The following SLC6A3 variants were observed in gnomAD, a reference collection of about 807,000 sequenced individuals.
The protein encoded by SLC6A3 is sodium-dependent dopamine transporter.
A neutral mutation model predicts 70.4 loss-of-function variants in SLC6A3; 19 were observed. The ratio of observed to expected loss-of-function variants is 0.27; its 90% CI spans 0.19 to 0.40. The LOEUF (loss-of-function observed/expected upper bound fraction) is 0.40. Ranked by LOEUF, SLC6A3 falls within the 10% of genes least tolerant of loss-of-function variation. SLC6A3 has a pLI of 1.00. For synonymous variants in SLC6A3, 368 were observed against 356.6 expected, an observed-to-expected ratio of 1.03 and a Z score of -0.36; for missense variants, 613 against 838.5, an observed-to-expected ratio of 0.73 and a Z score of 3.32.
intron 9 of SLC6A3, among the ~76,000 whole-genome samples, chr5:1,410,266 C>G (rs774258292): frequency 1.2e-4 from 18 of 152,194 alleles, no homozygotes; most frequent in Non-Finnish European, 2.2e-4. Flanking sequence ...CCCGACGGAG[C>G]CTCCTGACTC....
At chr5:1,423,149 G>A (rs71595043) in intron 4 of SLC6A3, among the ~76,000 whole-genome samples, 73 of 80,000 alleles carry the variant, frequency 9.1e-4, no homozygotes, top group Middle Eastern at 8.1e-3. Context: ...GGTGCCCACC[G>A]CTGCCCACAG....
At chr5:1,441,844 C>T (rs1733677128) in intron 2 of SLC6A3, among the ~76,000 whole-genome samples, 1 of 152,164 alleles carries the variant, frequency 6.6e-6, no homozygotes, top group African/African-American at 2.4e-5. Flanking sequence ...CCCACTTTGC[C>T]CTGATCCTCT....
intron 4 of SLC6A3, among the ~76,000 whole-genome samples, chr5:1,424,469 C>T (rs1228652053): frequency 1.3e-5 from 2 of 152,220 alleles, no homozygotes; most frequent in African/African-American, 4.8e-5. Context: ...TCCCTCACTG[C>T]CCATGGTGTC....
chr5:1,422,613 G>A (rs368124584), intron 4 of SLC6A3, among the ~76,000 whole-genome samples: 22 of 51,074 alleles, frequency 4.3e-4, no homozygotes, highest in Admixed American at 1.2e-3. Flanking sequence ...GCTGCCCATG[G>A]TGCTGGGTGC....
chr5:1,422,757 A>C (rs2735914), intron 4 of SLC6A3, among the ~76,000 whole-genome samples: 281 of 13,650 alleles, frequency 0.021, 1 homozygote, highest in East Asian at 0.026. Flanking sequence ...GTGCTGCCCA[A>C]GGTGCTGGGT....
intron 4 of SLC6A3, among the ~76,000 whole-genome samples, chr5:1,423,804 C>T (rs1284781271): frequency 6.6e-6 from 1 of 152,224 alleles, no homozygotes; most frequent in South Asian, 2.1e-4. Context: ...CTGTAACAGC[C>T]GTGCCGCTGC....
At chr5:1,414,413 G>A in intron 8 of SLC6A3, among the ~76,000 whole-genome samples, 1 of 150,970 alleles carries the variant, frequency 6.6e-6, no homozygotes, top group East Asian at 1.9e-4. Context: ...GGGCCTGGAG[G>A]GGCAGGGCGG....
At chr5:1,417,752 G>A (rs1756340825) in intron 6 of SLC6A3, among the ~76,000 whole-genome samples, 1 of 152,194 alleles carries the variant, frequency 6.6e-6, no homozygotes, top group Non-Finnish European at 1.5e-5. Context: ...TTGAGGGACT[G>A]GTCAGTTAGG....
Position 1,411,122 on chromosome 5 carries a change from C to T in SLC6A3, c.1269+121G>A. 1.4e-6 allele frequency: 1 copy of T among 729,360 alleles called. No individual in the cohort carries two copies. The highest frequency in any genetic ancestry group is 1.5e-5 in the South Asian group (1 of 67,802). 45.2% of individuals were successfully genotyped at this position (729,360 alleles called of 1,614,324 possible). On this transcript the variant is annotated intron_variant, in intron 9 of 14. Coordinates refer to ENST00000270349, the MANE Select transcript of SLC6A3 (RefSeq NM_001044.5). This position sits in a 1 kb window ranked among gnomAD's most constrained non-coding sequence, Gnocchi z 6.5. ...TCACGGGGCTCGCCCAAGTCAAGGACAGGAGGTCTGGGGGCCGTACGTGAG... is the reference window on the plus strand; with the variant it reads ...TCACGGGGCTCGCCCAAGTCAAGGATAGGAGGTCTGGGGGCCGTACGTGAG...
At chr5:1,410,472 G>A (rs1756089861) in intron 9 of SLC6A3, among the ~76,000 whole-genome samples, 1 of 152,132 alleles carries the variant, frequency 6.6e-6, no homozygotes, top group Non-Finnish European at 1.5e-5. Flanking sequence ...TAAGGCAAGG[G>A]ATTCTGGGTT....
At chr5:1,399,519 G>A (rs925707843) in intron 14 of SLC6A3, among the ~76,000 whole-genome samples, 1 of 152,238 alleles carries the variant, frequency 6.6e-6, no homozygotes, top group Admixed American at 6.5e-5. Context: ...AATCTCACAT[G>A]AAGTCAAAGT....
rs8179030 is a variant in SLC6A3, at chr5:1,409,904, C to T, written c.1270-55G>A. ...GGCTGGCGGCGCTCCTGACCGCAGC[C>T]TGGGCCAAGACCTACTTGTCACCCA... is the stretch of plus-strand genomic sequence containing the variant. On this transcript the variant is annotated intron_variant, in intron 9 of 14. Transcript: ENST00000270349. 7.5e-5 allele frequency: 120 copies of T among 1,608,778 alleles called. 2 individuals are homozygous for T. The highest frequency in any genetic ancestry group is 5.6e-4 in the East Asian group (25 of 44,894).
At chr5:1,420,781 G>T (rs1756417318) in intron 5 of SLC6A3, 78 bp from the exon 6 acceptor site, 3 of 1,544,906 alleles carry the variant, frequency 1.9e-6, no homozygotes, top group Non-Finnish European at 8.9e-7. Flanking sequence ...AGGGCACCGG[G>T]TTGCCCTGAC....
In SLC6A3 at chr5:1,405,842, ACTTCGAC is replaced by A. The variant is rs28363114; in HGVS notation, c.1599+339_1599+345del. 0.044 allele frequency among the ~76,000 whole-genome samples: 6,637 copies of A among 152,208 alleles called. 436 individuals carry two copies. The highest frequency in any genetic ancestry group is 0.15 in the African/African-American group (6,224 of 41,492). On this transcript the variant is annotated intron_variant, in intron 12 of 14. Transcript: ENST00000270349. This position sits in a 1 kb window ranked among gnomAD's most constrained non-coding sequence, Gnocchi z 5.3. ...TGTCCCCACTGCCCCGGAAGCTCTA[ACTTCGAC>A]CTTGATCCTCACAGGCAGAGGTGAG... is the stretch of plus-strand genomic sequence containing the variant.
rs576832016 is a variant in SLC6A3 at position 1,441,561 on chromosome 5, G to A, written c.287-71C>T. 55 of 1,555,084 alleles carry A rather than the reference G, an allele frequency of 3.5e-5. No individual in the cohort carries two copies. In the African/African-American group the frequency reaches 6.1e-4, roughly 17 times the overall value. ...CATCTCTCCTCGTGGGAGCTTGGGC[G>A]GCTACCCCAGTCAACCATCCATGTC... is the stretch of plus-strand genomic sequence containing the variant. On this transcript the variant is annotated intron_variant, in intron 2 of 14. Coordinates refer to ENST00000270349, the MANE Select transcript of SLC6A3 (RefSeq NM_001044.5).
Position 1,415,236 on chromosome 5 carries a change from G to A in SLC6A3, c.1032-421C>T, listed in dbSNP as rs28382256. On this transcript the variant is annotated intron_variant, in intron 7 of 14. Coordinates refer to ENST00000270349, the MANE Select transcript of SLC6A3 (RefSeq NM_001044.5). ...GAACTCCCAAGGGCGCTGGTGCTGC[G>A]GGCCTGGGGGCCCCACTCTGAGGGC... Among the ~76,000 whole-genome samples, 685 of 152,274 alleles carry A rather than the reference G, an allele frequency of 4.5e-3. 5 individuals are homozygous for A. The highest frequency in any genetic ancestry group is 0.015 in the African/African-American group (615 of 41,562).
In SLC6A3 at chr5:1,442,983, G is replaced by T; in HGVS notation, c.215C>A (p.Ser72Tyr). 2 of 1,614,200 alleles carry T rather than the reference G, an allele frequency of 1.2e-6. No homozygotes were observed. The highest frequency in any genetic ancestry group is 1.7e-6 in the Non-Finnish European group (2 of 1,180,058). Residue 72 changes from serine (S) to tyrosine (Y), a missense_variant, in exon 2 of 15, where the codon TCC becomes TAC. Coordinates refer to ENST00000270349, the MANE Select transcript of SLC6A3 (RefSeq NM_001044.5). The surrounding 1 kb of genome is among the most constrained non-coding windows in gnomAD (Gnocchi z 5.0). Reference protein sequence around the residue: ...TWGKKIDFLLSVIGFAVDLAN... With the variant: ...TWGKKIDFLLYVIGFAVDLAN... ...CAGGTCCACAGCAAAGCCAATGACG[G>T]ACAGGAGAAAGTCGATCTTCTTGCC...
Position 1,397,380 on chromosome 5 carries a change from G to C in SLC6A3, c.1840-2622C>G, listed in dbSNP as rs565793604. Among the ~76,000 whole-genome samples the C allele has an allele frequency of 3.3e-5, 5 of 152,324 alleles. No homozygotes were observed. The highest frequency in any genetic ancestry group is 1.2e-4 in the African/African-American group (5 of 41,566). On this transcript the variant is annotated intron_variant, in intron 14 of 14. Transcript: ENST00000270349. This position sits in a 1 kb window ranked among gnomAD's most constrained non-coding sequence, Gnocchi z 4.7. ...CGGGAGGCGGAGCTTGCAGTGAGCCGAGATTGCGCCACTGCACTCCAGCCT... is the reference window on the plus strand; with the variant it reads ...CGGGAGGCGGAGCTTGCAGTGAGCCCAGATTGCGCCACTGCACTCCAGCCT...
chr5:1,444,849 C>T (rs1198543545), intron 1 of SLC6A3, among the ~76,000 whole-genome samples: 4 of 152,252 alleles, frequency 2.6e-5, no homozygotes, highest in African/African-American at 9.6e-5. Flanking sequence ...CGCTGCCTGG[C>T]GAGTCCTCGC....
Sources: gnomAD v4.1 joint callset for allele counts (sites outside exome capture counted in the v4.1 genomes callset) on GRCh38, gnomAD v4.1.1 for gene constraint, Gnocchi (gnomAD v3.1) non-coding constraint, MANE v1.5 for transcripts, NCBI Gene and HGNC (gene_info 2026-07-23, HGNC 2026-07-21) for gene names.